Variants in SYNE1 observed in about 807,000 individuals in gnomAD.
SYNE1 encodes the protein spectrin repeat containing nuclear envelope protein 1, also known as nesprin-1.
A neutral mutation model predicts 1,111.0 loss-of-function variants in SYNE1; 616 were observed. The observed-to-expected ratio is 0.55, with a 90% CI of 0.52 to 0.59. The LOEUF is 0.59. SYNE1 is among the 20% of genes least tolerant of loss of function. The probability of loss-of-function intolerance (pLI) is 0.00; values close to 1 mark genes in which losing one functional copy is unlikely to be tolerated. For synonymous variants in SYNE1, 3,855 were observed against 3,825.8 expected (o/e 1.01, Z -0.28); for missense variants, 10,006 against 10,417.0 (o/e 0.96, Z 1.72).
chr6:152,333,762 A>C (rs986478122), intron 77 of SYNE1, among the ~76,000 whole-genome samples: 1 of 151,970 alleles, frequency 6.6e-6, no homozygotes, highest in African/African-American at 2.4e-5. Context: ...CCTCCGAAGT[A>C]GCTGGGATTA....
At position 152,331,920 on chromosome 6, in the gene SYNE1, A is replaced by C. The variant is rs116134255; in HGVS notation, c.12795-30T>G. On this transcript the variant is annotated intron_variant, in intron 77 of 145. Transcript: ENST00000367255. ...AAATACATGGAAAGGTATAAGAGCA[A>C]ATTAGCTGTAGTCAATATCGATGTT... 7.2e-4 allele frequency: 1,152 copies of C among 1,605,310 alleles called. 2 individuals are homozygous for C. The highest frequency in any genetic ancestry group is 3.0e-3 in the African/African-American group (228 of 75,046).
At chr6:152,141,624 T>A (rs2058572350) in intron 138 of SYNE1, among the ~76,000 whole-genome samples, 1 of 151,898 alleles carries the variant, frequency 6.6e-6, no homozygotes, top group African/African-American at 2.4e-5. Context: ...CTGGGCATGG[T>A]GGCATGCATC....
intron 3 of SYNE1, among the ~76,000 whole-genome samples, chr6:152,611,389 G>T (rs1018712248): frequency 6.6e-6 from 1 of 151,946 alleles, no homozygotes; most frequent in Non-Finnish European, 1.5e-5. Flanking sequence ...AAAGATCAAA[G>T]GAGACAAAGA....
intron 95 of SYNE1, among the ~76,000 whole-genome samples, chr6:152,290,973 A>G (rs1375650686): frequency 2.0e-5 from 3 of 151,722 alleles, no homozygotes; most frequent in Middle Eastern, 6.9e-3. Flanking sequence ...CAGATGAAAT[A>G]TGTGATGATA....
chr6:152,181,775 G>A (rs1233024578), intron 128 of SYNE1, among the ~76,000 whole-genome samples: 1 of 152,174 alleles, frequency 6.6e-6, no homozygotes, highest in East Asian at 1.9e-4. Context: ...GTGCACAAGT[G>A]TTTGTATGAA....
chr6:152,502,284 C>A (rs541677950), intron 10 of SYNE1, among the ~76,000 whole-genome samples: 4 of 152,026 alleles, frequency 2.6e-5, no homozygotes, highest in African/African-American at 9.7e-5. Context: ...TCAACCAGAG[C>A]GAGGGGATTA....
chr6:152,362,376 T>A, intron 63 of SYNE1, 53 bp from the exon 64 acceptor site: 1 of 1,611,364 alleles, frequency 6.2e-7, no homozygotes, highest in Non-Finnish European at 8.5e-7. Context: ...CTTAGGAGTC[T>A]AAAATGTCAT....
intron 6 of SYNE1, among the ~76,000 whole-genome samples, chr6:152,514,500 G>T (rs567043990): frequency 1.4e-4 from 21 of 152,196 alleles, no homozygotes; most frequent in Admixed American, 1.4e-3. Context: ...CTAGGGGAGG[G>T]ATAGCATTAG....
At chr6:152,367,032 T>A (rs191158156) in intron 62 of SYNE1, 186 bp downstream of exon 62, 1 of 752,192 alleles carries the variant, frequency 1.3e-6, no homozygotes, top group Non-Finnish European at 2.4e-6. Context: ...TTGGAAAACA[T>A]CCGGGGTCAG....
intron 104 of SYNE1, among the ~76,000 whole-genome samples, chr6:152,251,107 G>A (rs568748669): frequency 2.3e-4 from 35 of 152,014 alleles, no homozygotes; most frequent in East Asian, 2.0e-4. Context: ...GCACCACCAC[G>A]TCTGGCTAAT....
At chr6:152,526,258 A>G in intron 4 of SYNE1, 83 bp from the exon 5 acceptor site, 2 of 1,406,974 alleles carry the variant, frequency 1.4e-6, no homozygotes, top group Non-Finnish European at 2.0e-6. Flanking sequence ...TTTGTTACTT[A>G]TGGTGGTGAA....
chr6:152,616,439 G>A (rs145584167), intron 3 of SYNE1, among the ~76,000 whole-genome samples: 2,182 of 152,238 alleles, frequency 0.014, 34 homozygotes, highest in Non-Finnish European at 0.02. Context: ...AGCCAGGCAT[G>A]GTGGCATATG....
At chr6:152,564,472 A>G (rs1429510911) in intron 3 of SYNE1, among the ~76,000 whole-genome samples, 1 of 152,046 alleles carries the variant, frequency 6.6e-6, no homozygotes, top group African/African-American at 2.4e-5. Flanking sequence ...GCATGCCACC[A>G]CACCTGGCTA....
At chr6:152,458,090 G>T (rs2098707976) in intron 22 of SYNE1, among the ~76,000 whole-genome samples, 1 of 151,910 alleles carries the variant, frequency 6.6e-6, no homozygotes, top group African/African-American at 2.4e-5. Context: ...CACGTTTCAT[G>T]AACAAAGCCC....
chr6:152,151,814 G>T, intron 134 of SYNE1, 124 bp from the exon 135 acceptor site: 1 of 1,489,808 alleles, frequency 6.7e-7, no homozygotes, highest in Non-Finnish European at 9.2e-7. Context: ...TGAGAAGCCT[G>T]CAATCCTTTG....
At chr6:152,155,835 A>G in intron 132 of SYNE1, 75 bp downstream of exon 132, 1 of 1,558,264 alleles carries the variant, frequency 6.4e-7, no homozygotes, top group Non-Finnish European at 8.8e-7. Flanking sequence ...AAGAGTGAAC[A>G]GTGGATACTC....
chr6:152,139,340 G>T (rs1310626206), intron 140 of SYNE1, among the ~76,000 whole-genome samples: 1 of 152,104 alleles, frequency 6.6e-6, no homozygotes, highest in African/African-American at 2.4e-5. Context: ...GGAGGCTGAG[G>T]TGGGTGGATC....
At chr6:152,364,453 C>CTT (rs5880969) in intron 63 of SYNE1, among the ~76,000 whole-genome samples, 68,105 of 147,734 alleles carry the variant, frequency 0.46, 16,363 homozygotes, top group Non-Finnish European at 0.54. Flanking sequence ...CATTATGAAT[C>CTT]TTTTTTTTTT....
chr6:152,407,962 C>A (rs1338092161), intron 44 of SYNE1, among the ~76,000 whole-genome samples: 1 of 151,732 alleles, frequency 6.6e-6, no homozygotes, highest in Non-Finnish European at 1.5e-5. Flanking sequence ...GGGGTTTCAC[C>A]ATGTTAGCCA....
Sources: gnomAD v4.1 joint callset for allele counts (sites outside exome capture counted in the v4.1 genomes callset) on GRCh38, gnomAD v4.1.1 for gene constraint, MANE v1.5 for transcripts, NCBI Gene and HGNC (gene_info 2026-07-23, HGNC 2026-07-21) for gene names.